B3GALT1: variants seen among roughly 807,000 people sequenced by gnomAD.
The protein encoded by B3GALT1 is beta-1,3-galactosyltransferase 1, also known as UDP-Gal:betaGlcNAc beta 1,3-galactosyltransferase, polypeptide 1.
A neutral mutation model predicts 23.2 loss-of-function variants in B3GALT1; 10 were observed. That is an observed-to-expected ratio of 0.43 (90% confidence interval 0.27 to 0.73). B3GALT1 has a LOEUF of 0.73. B3GALT1 is among the 30% of genes least tolerant of loss of function. B3GALT1 has a pLI of 0.21. For synonymous variants in B3GALT1, 156 were observed against 141.5 expected (o/e 1.10, Z -0.73); for missense variants, 299 against 405.4 (o/e 0.74, Z 2.25).
chr2:167,469,706 ATGAT>A (rs1699398398), intron 1 of B3GALT1, among the ~76,000 whole-genome samples: 1 of 152,198 alleles, frequency 6.6e-6, no homozygotes, highest in South Asian at 2.1e-4. Flanking sequence ...ATACTGTTGA[ATGAT>A]AATTGTCATC....
chr2:167,714,627 C>A lies in B3GALT1; in HGVS notation c.-352+67661C>A, dbSNP rs1687115540. 2.5e-5 allele frequency: 40 copies of A among 1,613,698 alleles called. No homozygotes were observed. In the South Asian group the frequency reaches 4.1e-4, roughly 16 times the overall value. On this transcript the variant is annotated intron_variant, in intron 3 of 4. Coordinates refer to ENST00000392690, the MANE Select transcript of B3GALT1 (RefSeq NM_020981.4). The stretch of plus-strand genomic sequence containing the variant: ...AATTTTTGTTTGTTGTGAGCATTTT[C>A]TTTCCTTAAATCATTGAGGTTTCTT...
intron 2 of B3GALT1, among the ~76,000 whole-genome samples, chr2:167,605,163 A>G (rs891742): frequency 0.81 from 123,202 of 152,176 alleles, 49,965 homozygotes; most frequent in Admixed American, 0.88. Flanking sequence ...AAGCCTCTCA[A>G]TAGAGCAAAG....
intron 2 of B3GALT1, among the ~76,000 whole-genome samples, chr2:167,526,118 A>G (rs1366139820): frequency 2.0e-5 from 3 of 152,006 alleles, no homozygotes; most frequent in Non-Finnish European, 4.4e-5. Flanking sequence ...GAAAATCTGG[A>G]TACTGTTTAT....
At chr2:167,858,398 C>CTGAT (rs1690039496) in intron 4 of B3GALT1, among the ~76,000 whole-genome samples, 1 of 150,058 alleles carries the variant, frequency 6.7e-6, no homozygotes, top group Admixed American at 6.6e-5. Flanking sequence ...GATGCATTGA[C>CTGAT]TGATCGTTCC....
chr2:167,765,460 G>A (rs1687962145), intron 3 of B3GALT1, among the ~76,000 whole-genome samples: 1 of 152,176 alleles, frequency 6.6e-6, no homozygotes, highest in Non-Finnish European at 1.5e-5. Context: ...GTTGGTTGGA[G>A]CAAATGACAC....
chr2:167,763,157 T>C (rs1190498959), intron 3 of B3GALT1, among the ~76,000 whole-genome samples: 1 of 152,216 alleles, frequency 6.6e-6, no homozygotes, highest in Admixed American at 6.5e-5. Flanking sequence ...TGAACCTTTA[T>C]GAAGTACCCA....
intron 4 of B3GALT1, among the ~76,000 whole-genome samples, chr2:167,822,633 C>T (rs183644322): frequency 1.4e-4 from 21 of 152,304 alleles, no homozygotes; most frequent in Non-Finnish European, 2.2e-4. Flanking sequence ...CATTTCTTTT[C>T]GCCTTCTTAC....
chr2:167,810,139 A>G (rs1278576318), intron 3 of B3GALT1, among the ~76,000 whole-genome samples: 2 of 151,170 alleles, frequency 1.3e-5, no homozygotes, highest in East Asian at 3.9e-4. Context: ...GGAAAAGGAC[A>G]GTATTAGGAT....
intron 1 of B3GALT1, among the ~76,000 whole-genome samples, chr2:167,478,434 C>T (rs1052728454): frequency 1.3e-5 from 2 of 152,006 alleles, no homozygotes; most frequent in Non-Finnish European, 2.9e-5. Context: ...GGGCTGGACT[C>T]GGTAATCCAT....
At chr2:167,575,500 A>C (rs557201325) in intron 2 of B3GALT1, among the ~76,000 whole-genome samples, 1 of 151,826 alleles carries the variant, frequency 6.6e-6, no homozygotes, top group African/African-American at 2.4e-5. Flanking sequence ...TTGGCACACC[A>C]GCAGAGGCTC....
chr2:167,669,183 T>A (rs553086747), intron 3 of B3GALT1, among the ~76,000 whole-genome samples: 1 of 152,346 alleles, frequency 6.6e-6, no homozygotes, highest in Non-Finnish European at 1.5e-5. Flanking sequence ...TTACTGTTTT[T>A]TTCTCCTCTT....
chr2:167,738,909 C>G (rs570234205), intron 3 of B3GALT1, among the ~76,000 whole-genome samples: 1 of 152,172 alleles, frequency 6.6e-6, no homozygotes, highest in Non-Finnish European at 1.5e-5. Context: ...TTCCAGGTTT[C>G]CCTTGACAGC....
chr2:167,620,085 G>C (rs981023421), intron 2 of B3GALT1, among the ~76,000 whole-genome samples: 1 of 152,100 alleles, frequency 6.6e-6, no homozygotes, highest in East Asian at 1.9e-4. Flanking sequence ...TAAGTTCGCT[G>C]AGATCTGATG....
intron 1 of B3GALT1, among the ~76,000 whole-genome samples, chr2:167,436,493 T>C (rs1408811886): frequency 6.6e-6 from 1 of 152,218 alleles, no homozygotes; most frequent in African/African-American, 2.4e-5. Context: ...CCTGATTGAA[T>C]GTCTTCATTG....
At chr2:167,400,190 G>GTGTGTC (rs1303294088) in intron 1 of B3GALT1, among the ~76,000 whole-genome samples, 1 of 150,982 alleles carries the variant, frequency 6.6e-6, no homozygotes, top group East Asian at 2.0e-4. Flanking sequence ...GTGTGTGTGT[G>GTGTGTC]TGTCTGTGTG....
At position 167,673,535 on chromosome 2, in the gene B3GALT1, A is replaced by G. The variant is rs184392251; in HGVS notation, c.-352+26569A>G. On this transcript the variant is annotated intron_variant, in intron 3 of 4. Transcript: ENST00000392690. ...CCTTAGTTCTACCCATTTACTTCCA[A>G]TGATCCAAGCACTTAGGGATATACT... 1.4e-4 allele frequency among the ~76,000 whole-genome samples: 21 copies of G among 152,154 alleles called. 1 individual carries two copies. The East Asian group carries it at 4.1e-3, about 29-fold the overall frequency.
At chr2:167,604,244 T>C (rs1442569340) in intron 2 of B3GALT1, among the ~76,000 whole-genome samples, 1 of 152,192 alleles carries the variant, frequency 6.6e-6, no homozygotes, top group Non-Finnish European at 1.5e-5. Flanking sequence ...ATGCCAAGTG[T>C]GCCATGATCA....
intron 3 of B3GALT1, among the ~76,000 whole-genome samples, chr2:167,763,208 A>G (rs146421161): frequency 3.5e-4 from 53 of 152,324 alleles, no homozygotes; most frequent in East Asian, 3.1e-3. Flanking sequence ...AAATGCCGCA[A>G]ATGAATAACT....
At chr2:167,297,953 G>T (rs553194497) in intron 1 of B3GALT1, among the ~76,000 whole-genome samples, 1 of 152,172 alleles carries the variant, frequency 6.6e-6, no homozygotes, top group South Asian at 2.1e-4. Flanking sequence ...AAGACTTTCT[G>T]ATATTGTCAA....
Sources: allele counts gnomAD v4.1 joint callset (sites outside exome capture counted in the v4.1 genomes callset), GRCh38; gene constraint gnomAD v4.1.1; transcripts MANE v1.5; gene names NCBI Gene and HGNC (gene_info 2026-07-23, HGNC 2026-07-21).